The following BRINP2 variants were observed in gnomAD, a reference collection of about 807,000 sequenced individuals.
The protein encoded by BRINP2 is BMP/retinoic acid-inducible neural-specific protein 2.
Under a neutral mutation model 69.2 loss-of-function variants are expected in BRINP2, and 21 were observed. That is an observed-to-expected ratio of 0.30 (90% confidence interval 0.22 to 0.44). The LOEUF is 0.44. Ranked by LOEUF, BRINP2 falls within the 20% of genes least tolerant of loss-of-function variation. The pLI is 1.00. For synonymous variants in BRINP2, 380 were observed against 394.1 expected (o/e 0.96, Z 0.42); for missense variants, 877 against 986.0 (o/e 0.89, Z 1.48).
chr1:177,210,584 C>A (rs1253767839), intron 1 of BRINP2, among the ~76,000 whole-genome samples: 1 of 152,010 alleles, frequency 6.6e-6, no homozygotes, highest in Non-Finnish European at 1.5e-5. Flanking sequence ...CACATGTGGC[C>A]ATTGAGCATT....
At chr1:177,249,978 C>A (rs567930355) in intron 2 of BRINP2, among the ~76,000 whole-genome samples, 1 of 152,316 alleles carries the variant, frequency 6.6e-6, no homozygotes, top group East Asian at 1.9e-4. Context: ...AGAGTCTGAA[C>A]CTTTCTGTGG....
chr1:177,195,828 G>A (rs1648729860), intron 1 of BRINP2, among the ~76,000 whole-genome samples: 1 of 152,068 alleles, frequency 6.6e-6, no homozygotes, highest in South Asian at 2.1e-4. Flanking sequence ...AAAATGCCCT[G>A]TAGGTAGCAT....
chr1:177,206,437 T>G (rs751679212), intron 1 of BRINP2, among the ~76,000 whole-genome samples: 2 of 152,230 alleles, frequency 1.3e-5, no homozygotes, highest in Non-Finnish European at 2.9e-5. Context: ...GTGCTTTCCC[T>G]CTCCCAACTA....
intron 1 of BRINP2, among the ~76,000 whole-genome samples, chr1:177,181,937 G>A (rs1235067262): frequency 6.6e-6 from 1 of 152,210 alleles, no homozygotes; most frequent in Non-Finnish European, 1.5e-5. Flanking sequence ...GCCGAGGAGT[G>A]GCCGGTACCT....
intron 2 of BRINP2, among the ~76,000 whole-genome samples, chr1:177,245,033 AATG>A (rs1274109674): frequency 6.6e-6 from 1 of 152,132 alleles, no homozygotes; most frequent in Non-Finnish European, 1.5e-5. Context: ...TACTGGCGAG[AATG>A]ATGATTCAAT....
At chr1:177,174,060 G>A (rs1021434302) in intron 1 of BRINP2, among the ~76,000 whole-genome samples, 5 of 152,106 alleles carry the variant, frequency 3.3e-5, no homozygotes, top group African/African-American at 4.8e-5. Flanking sequence ...ATCCTCACAC[G>A]GCTTATTGTC....
intron 1 of BRINP2, among the ~76,000 whole-genome samples, chr1:177,208,207 G>A (rs189520967): frequency 3.7e-4 from 56 of 152,254 alleles, no homozygotes; most frequent in Admixed American, 1.4e-3. Context: ...CCCAGTCATC[G>A]CTCAGTAAGT....
intron 3 of BRINP2, chr1:177,256,741 G>A (rs910023641): frequency 9.2e-7 from 1 of 1,081,402 alleles, no homozygotes; most frequent in East Asian, 7.1e-5. Flanking sequence ...CCCAGGGCTC[G>A]GGCCAGCTGT....
Position 177,171,319 on chromosome 1 carries a change from T to C in BRINP2, c.-490T>C, listed in dbSNP as rs1319911391. Among the ~76,000 whole-genome samples the C allele has an allele frequency of 6.6e-6, 1 of 152,094 alleles. No individual in the cohort carries two copies. The highest frequency in any genetic ancestry group is 2.4e-5 in the African/African-American group (1 of 41,418). Reference sequence around the variant, plus strand: ...GCGGAGGGACAGGGGACTCCCCCAGTTGGGTCTTGCACTTCCCTTACCTCT... The same window carrying C: ...GCGGAGGGACAGGGGACTCCCCCAGCTGGGTCTTGCACTTCCCTTACCTCT... On this transcript the variant is annotated 5_prime_UTR_variant, in exon 1 of 8. Transcript: ENST00000361539.
chr1:177,214,608 A>T (rs970572606), intron 1 of BRINP2, among the ~76,000 whole-genome samples: 2 of 152,126 alleles, frequency 1.3e-5, no homozygotes, highest in Non-Finnish European at 2.9e-5. Flanking sequence ...AGGAGTGGGG[A>T]TTTCCGTGAT....
At chr1:177,195,974 C>A (rs1648733975) in intron 1 of BRINP2, among the ~76,000 whole-genome samples, 1 of 152,148 alleles carries the variant, frequency 6.6e-6, no homozygotes, top group African/African-American at 2.4e-5. Context: ...AATAATGATA[C>A]CTTCCTCCCT....
At chr1:177,273,363 C>T (rs1010437638) in intron 4 of BRINP2, 125 bp from the exon 5 acceptor site, 13 of 538,352 alleles carry the variant, frequency 2.4e-5, no homozygotes, top group Non-Finnish European at 3.3e-5. Context: ...CGAAAAGGGA[C>T]GTATCACTTC....
intron 2 of BRINP2, among the ~76,000 whole-genome samples, chr1:177,246,374 T>C (rs1650381862): frequency 6.6e-6 from 1 of 152,200 alleles, no homozygotes; most frequent in Non-Finnish European, 1.5e-5. Flanking sequence ...GGGCAAACCA[T>C]TTCTCTCAGT....
rs111246523 is a variant in BRINP2 at position 177,211,712 on chromosome 1, ATTACT to A, written c.-76-18088_-76-18084del. Among the ~76,000 whole-genome samples, 1,521 of 152,280 alleles carry A rather than the reference ATTACT, an allele frequency of 1.0e-2. 28 individuals carry two copies. Among genetic ancestry groups the A allele is most frequent in the African/African-American group, 0.035 (1,457 of 41,550 alleles). On this transcript the variant is annotated intron_variant, in intron 1 of 7. Transcript: ENST00000361539. ...CTGGCACATGATTTTTATTTGGGTT[ATTACT>A]GGTGGTATTAACTGACCACTTGAGT...
chr1:177,172,010 G>A (rs1647948935), intron 1 of BRINP2, among the ~76,000 whole-genome samples: 3 of 152,266 alleles, frequency 2.0e-5, no homozygotes, highest in Non-Finnish European at 2.9e-5. Context: ...GCTTTTGCCT[G>A]GTTTAAGTCC....
chr1:177,201,382 C>T (rs1362190564), intron 1 of BRINP2, among the ~76,000 whole-genome samples: 1 of 152,086 alleles, frequency 6.6e-6, no homozygotes, highest in Non-Finnish European at 1.5e-5. Context: ...AGGACTATTT[C>T]TTTAATAAGA....
chr1:177,232,608 A>G lies in BRINP2; in HGVS notation c.269+2463A>G, dbSNP rs143486145. On this transcript the variant is annotated intron_variant, in intron 2 of 7. Transcript: ENST00000361539. ...CTCATGCGCACTTGTAGGGCTCTAC[A>G]TTATCCCAGTGGGAATTCATTTTTG... 2.4e-3 allele frequency among the ~76,000 whole-genome samples: 369 copies of G among 152,266 alleles called. 2 individuals carry two copies. Among genetic ancestry groups the G allele is most frequent in the African/African-American group, 8.2e-3 (342 of 41,548 alleles).
At chr1:177,190,039 G>C (rs1648541147) in intron 1 of BRINP2, among the ~76,000 whole-genome samples, 1 of 152,066 alleles carries the variant, frequency 6.6e-6, no homozygotes, top group African/African-American at 2.4e-5. Context: ...CTCCTTTCTG[G>C]AACTCAGTTA....
At chr1:177,213,349 C>T (rs1649282554) in intron 1 of BRINP2, among the ~76,000 whole-genome samples, 1 of 152,054 alleles carries the variant, frequency 6.6e-6, no homozygotes, top group African/African-American at 2.4e-5. Context: ...GAGCACCCAG[C>T]CCTCATTTAT....
Sources: gnomAD v4.1 joint callset for allele counts (sites outside exome capture counted in the v4.1 genomes callset) on GRCh38, gnomAD v4.1.1 for gene constraint, MANE v1.5 for transcripts, NCBI Gene and HGNC (gene_info 2026-07-23, HGNC 2026-07-21) for gene names.